The following MRPS21 variants were observed in gnomAD, a reference collection of about 807,000 sequenced individuals.
MRPS21 encodes mitochondrial ribosomal protein S21.
Under a neutral mutation model 9.9 loss-of-function variants are expected in MRPS21, and 8 were observed. The ratio of observed to expected loss-of-function variants is 0.81; its 90% confidence interval spans 0.47 to 1.45. The LOEUF (loss-of-function observed/expected upper bound fraction) is 1.45. MRPS21 is among the 40% of genes most tolerant of loss of function. The pLI is 0.00. For missense variants in MRPS21, 101 were observed against 118.9 expected (o/e 0.85, Z 0.70); for synonymous variants, 40 against 40.3 (o/e 0.99, Z 0.03).
At chr1:150,297,119 G>A (rs974214910) in intron 2 of MRPS21, among the ~76,000 whole-genome samples, 11 of 151,388 alleles carry the variant, frequency 7.3e-5, no homozygotes, top group Non-Finnish European at 1.2e-4. Context: ...GTGAAACCCC[G>A]TCTCTACTAA....
chr1:150,304,036 C>T (rs907789420), intron 2 of MRPS21: 3 of 393,462 alleles, frequency 7.6e-6, no homozygotes, highest in South Asian at 3.6e-5. Context: ...ATCAGCCGGG[C>T]GTGGTGGCTC....
chr1:150,308,143 G>T lies in MRPS21; in HGVS notation c.179G>T (p.Cys60Phe), dbSNP rs1654415342. The change falls in exon 3 of 3, where the codon TGC becomes TTC. Residue 60 changes from cysteine to phenylalanine, a missense_variant. By Grantham distance (205) the Cys-to-Phe change is radical. Transcript: ENST00000614145. ...CRRQRESYER[C>F]RRIYNMEMAR... ...CGACAGAGGGAAAGCTATGAAAGGT[G>T]CCGGCGGATCTACAACATGGAAATG... 6.2e-7 allele frequency: 1 copy of T among 1,610,202 alleles called. No individual in the cohort carries two copies. The highest frequency in any genetic ancestry group is 1.3e-5 in the African/African-American group (1 of 74,882).
At chr1:150,307,297 C>T (rs1177484862) in intron 2 of MRPS21, among the ~76,000 whole-genome samples, 2 of 150,446 alleles carry the variant, frequency 1.3e-5, no homozygotes, top group African/African-American at 2.4e-5. Context: ...ATCCACCTGC[C>T]TCGGCTTCCC....
chr1:150,299,918 C>T (rs1169762817), intron 2 of MRPS21, among the ~76,000 whole-genome samples: 15 of 152,116 alleles, frequency 9.9e-5, no homozygotes, highest in African/African-American at 3.6e-4. Flanking sequence ...AACGAACCAT[C>T]AAGAAAACAA....
At chr1:150,302,273 G>T (rs1654165582) in intron 2 of MRPS21, among the ~76,000 whole-genome samples, 1 of 152,160 alleles carries the variant, frequency 6.6e-6, no homozygotes, top group Non-Finnish European at 1.5e-5. Context: ...TAGCCTACGT[G>T]TCTGTCCAGT....
rs1654444590 is a variant in MRPS21, at chr1:150,308,647, TGTG to T, written c.*423_*425del. On this transcript the variant is annotated 3_prime_UTR_variant, in exon 3 of 3. Coordinates refer to ENST00000614145, the MANE Select transcript of MRPS21 (RefSeq NM_031901.6). ...AGGAGTTTGAGACCAGCTTGGCCAA[TGTG>T]GTGAAACCCCATCTCTACTAAAAAT... 6.7e-6 allele frequency: 1 copy of T among 150,066 alleles called. No individual in the cohort carries two copies. The highest frequency in any genetic ancestry group is 1.5e-5 in the Non-Finnish European group (1 of 68,484). 9.3% of individuals were successfully genotyped at this position (150,066 alleles called of 1,614,324 possible). A position where few individuals can be genotyped will look rare whatever the true frequency, so the allele number is the denominator to read the frequency against.
At chr1:150,302,097 C>CA (rs1553857797) in intron 2 of MRPS21, among the ~76,000 whole-genome samples, 1 of 152,160 alleles carries the variant, frequency 6.6e-6, no homozygotes, top group East Asian at 1.9e-4. Context: ...TCTCACACTC[C>CA]AGGCCTCTCC....
intron 2 of MRPS21, among the ~76,000 whole-genome samples, chr1:150,297,067 G>C (rs192365437): frequency 6.6e-6 from 1 of 151,986 alleles, no homozygotes; most frequent in African/African-American, 2.4e-5. Flanking sequence ...CAAGGCGGGC[G>C]GATCACGAGG....
intron 2 of MRPS21, 129 bp downstream of exon 2, chr1:150,294,578 C>T: frequency 1.3e-6 from 1 of 755,546 alleles, no homozygotes. Flanking sequence ...CTTAAAACGT[C>T]TCAGCCCCTC....
intron 1 of MRPS21, 198 bp from the exon 2 acceptor site, chr1:150,294,137 C>G (rs1653825890): frequency 2.1e-6 from 1 of 468,576 alleles, no homozygotes. Flanking sequence ...CTTTTCTTCT[C>G]TATGCGAGGA....
At chr1:150,300,809 A>G (rs1654086612) in intron 2 of MRPS21, among the ~76,000 whole-genome samples, 2 of 152,210 alleles carry the variant, frequency 1.3e-5, no homozygotes, top group African/African-American at 2.4e-5. Flanking sequence ...TTAAAACACC[A>G]AAGTAGGAGT....
At chr1:150,300,598 T>G (rs1654080327) in intron 2 of MRPS21, among the ~76,000 whole-genome samples, 1 of 152,230 alleles carries the variant, frequency 6.6e-6, no homozygotes, top group African/African-American at 2.4e-5. Context: ...TGGAATTTCT[T>G]TGAAGCTTCC....
At chr1:150,307,908 C>T (rs1654402036) in intron 2 of MRPS21, 140 bp from the exon 3 acceptor site, 3 of 765,918 alleles carry the variant, frequency 3.9e-6, no homozygotes, top group Non-Finnish European at 3.9e-6. Flanking sequence ...TGTAAGTAGG[C>T]AGTTAATGCT....
At chr1:150,298,094 C>G (rs587689452) in intron 2 of MRPS21, among the ~76,000 whole-genome samples, 1 of 152,128 alleles carries the variant, frequency 6.6e-6, no homozygotes, top group East Asian at 1.9e-4. Context: ...CCACCAAGCC[C>G]AGCTAATTTT....
intron 2 of MRPS21, chr1:150,303,869 T>C (rs1654228320): frequency 6.6e-6 from 3 of 455,942 alleles, no homozygotes; most frequent in Admixed American, 4.7e-5. Flanking sequence ...ATTAGTCATC[T>C]AGAGGACTCA....
chr1:150,302,216 T>C (rs934272049), intron 2 of MRPS21, among the ~76,000 whole-genome samples: 1 of 152,152 alleles, frequency 6.6e-6, no homozygotes, highest in Non-Finnish European at 1.5e-5. Context: ...GGGAGGTGAT[T>C]AAAGCTTTAC....
chr1:150,308,498 T>G lies in MRPS21; in HGVS notation c.*270T>G, dbSNP rs1654435587. The G allele has an allele frequency of 3.2e-6, 1 of 312,908 alleles. No individual in the cohort carries two copies. Among genetic ancestry groups the G allele is most frequent in the Non-Finnish European group, 6.1e-6 (1 of 164,836 alleles). 19.4% of individuals were successfully genotyped at this position (312,908 alleles called of 1,614,324 possible). ...GGAGGGGGCAGTGAGGAGTTATTGT[T>G]TAATGGGTACAGAGTTTCAGTTTGG... On this transcript the variant is annotated 3_prime_UTR_variant, in exon 3 of 3. Coordinates refer to ENST00000614145, the MANE Select transcript of MRPS21 (RefSeq NM_031901.6).
At chr1:150,302,865 A>G (rs1654197205) in intron 2 of MRPS21, among the ~76,000 whole-genome samples, 1 of 152,200 alleles carries the variant, frequency 6.6e-6, no homozygotes, top group African/African-American at 2.4e-5. Flanking sequence ...TAGTATGACT[A>G]GAACGTGTCG....
chr1:150,296,028 TGCAGCCTCC>T (rs1434446718), intron 2 of MRPS21, among the ~76,000 whole-genome samples: 1 of 151,352 alleles, frequency 6.6e-6, no homozygotes, highest in African/African-American at 2.4e-5. Context: ...CTCGGCTCAC[TGCAGCCTCC>T]GCCTCCTGGG....
Sources: allele counts gnomAD v4.1 joint callset (sites outside exome capture counted in the v4.1 genomes callset), GRCh38; gene constraint gnomAD v4.1.1; transcripts MANE v1.5; gene names NCBI Gene and HGNC (gene_info 2026-07-23, HGNC 2026-07-21).